The following QTGAL variants were observed in gnomAD, a reference collection of about 807,000 sequenced individuals.
QTGAL encodes the protein BGnT-like protein 1.
chr17:82,970,574 G>GCGACCTCCGCACACA, the QTGAL span, among the ~76,000 whole-genome samples: 166 of 72,478 alleles, frequency 2.3e-3, 21 homozygotes, highest in African/African-American at 9.2e-3. Context: ...CTCCGCACCC[G>GCGACCTCCGCACACA]GCGTGGCCGC....
the QTGAL span, among the ~76,000 whole-genome samples, chr17:82,966,208 T>G: frequency 1.3e-5 from 2 of 151,858 alleles, no homozygotes; most frequent in African/African-American, 4.8e-5. Flanking sequence ...CACACCACCG[T>G]GCCTGGCTAT....
chr17:82,985,728 G>A, the QTGAL span, among the ~76,000 whole-genome samples: 1 of 152,208 alleles, frequency 6.6e-6, no homozygotes, highest in Admixed American at 6.5e-5. Context: ...AAAATCAGGA[G>A]CCCAGGGTTG....
the QTGAL span, among the ~76,000 whole-genome samples, chr17:82,950,719 A>G: frequency 6.6e-6 from 1 of 152,260 alleles, no homozygotes; most frequent in Non-Finnish European, 1.5e-5. Flanking sequence ...CTGTGTCAGC[A>G]CAAAAACACG....
At chr17:83,023,392 T>C in the QTGAL span, among the ~76,000 whole-genome samples, 4 of 148,726 alleles carry the variant, frequency 2.7e-5, no homozygotes, top group African/African-American at 4.9e-5. Context: ...TGAACTCACA[T>C]TGGCTGCTCT....
At chr17:83,000,186 C>T in the QTGAL span, among the ~76,000 whole-genome samples, 2 of 152,242 alleles carry the variant, frequency 1.3e-5, no homozygotes, top group South Asian at 2.1e-4. Context: ...TGGTCTCGAA[C>T]TCCTGACCTC....
chr17:82,965,926 G>A, the QTGAL span, among the ~76,000 whole-genome samples: 12 of 152,104 alleles, frequency 7.9e-5, no homozygotes, highest in South Asian at 2.3e-3. Flanking sequence ...CCACAGGGAC[G>A]GGGCTCAAGG....
chr17:82,993,039 A>T, the QTGAL span, among the ~76,000 whole-genome samples: 1 of 152,212 alleles, frequency 6.6e-6, no homozygotes, highest in Non-Finnish European at 1.5e-5. Flanking sequence ...AAAGGAAGAC[A>T]TGAAGGAAGG....
At chr17:82,992,772 CAAT>C in the QTGAL span, among the ~76,000 whole-genome samples, 3,897 of 152,002 alleles carry the variant, frequency 0.026, 62 homozygotes, top group South Asian at 0.048. Flanking sequence ...ACAGATAGTA[CAAT>C]AAGATATAAA....
chr17:83,000,450 T>C, the QTGAL span, among the ~76,000 whole-genome samples: 2 of 152,246 alleles, frequency 1.3e-5, no homozygotes, highest in Non-Finnish European at 2.9e-5. Context: ...TTGTGATTCA[T>C]TTCTGCATCC....
At chr17:82,994,828 A>C in the QTGAL span, among the ~76,000 whole-genome samples, 1 of 152,368 alleles carries the variant, frequency 6.6e-6, no homozygotes, top group South Asian at 2.1e-4. Context: ...ACACATTAAA[A>C]AGATCATTCA....
the QTGAL span, chr17:82,947,172 C>T: frequency 4.4e-5 from 24 of 540,356 alleles, no homozygotes; most frequent in Non-Finnish European, 7.2e-5. Context: ...CTGCTTGTAC[C>T]ACAGGCCCTG....
the QTGAL span, chr17:83,006,603 C>T: frequency 1.0e-6 from 1 of 985,360 alleles, no homozygotes; most frequent in African/African-American, 1.7e-5. This position sits in a 1 kb window ranked among gnomAD's most constrained non-coding sequence, Gnocchi z 5.8. Flanking sequence ...CCCTCAACGG[C>T]AGCCGCTGTG....
the QTGAL span, chr17:83,048,659 T>C: frequency 6.2e-7 from 1 of 1,611,680 alleles, no homozygotes; most frequent in East Asian, 2.2e-5. Context: ...GACAGGAAGT[T>C]CCTACAAACC....
chr17:82,964,967 G>C, the QTGAL span, among the ~76,000 whole-genome samples: 1 of 148,300 alleles, frequency 6.7e-6, no homozygotes. Context: ...GGAGAACGGG[G>C]ACATGGATGC....
chr17:83,014,666 T>C, the QTGAL span: 1 of 841,996 alleles, frequency 1.2e-6, no homozygotes. Flanking sequence ...ACTGATCCTC[T>C]CGCCTCAGCC....
chr17:82,953,430 C>G, the QTGAL span, among the ~76,000 whole-genome samples: 5,326 of 152,182 alleles, frequency 0.035, 169 homozygotes, highest in African/African-American at 0.084. Context: ...TGGATAAATT[C>G]CTGGACACAT....
At chr17:82,970,826 T>C in the QTGAL span, among the ~76,000 whole-genome samples, 1 of 152,240 alleles carries the variant, frequency 6.6e-6, no homozygotes, top group Non-Finnish European at 1.5e-5. Flanking sequence ...AAAATGTCAC[T>C]GATAGGACAT....
chr17:83,008,245 C>G, the QTGAL span, among the ~76,000 whole-genome samples: 4 of 152,226 alleles, frequency 2.6e-5, no homozygotes, highest in African/African-American at 9.6e-5. Flanking sequence ...CTAACTTTCT[C>G]CAGGTTCCTA....
the QTGAL span, among the ~76,000 whole-genome samples, chr17:82,983,687 G>A: frequency 6.6e-6 from 1 of 152,234 alleles, no homozygotes; most frequent in Non-Finnish European, 1.5e-5. Flanking sequence ...TGCTCCGTGG[G>A]GGCAGCGGCT....
Sources: gnomAD v4.1 joint callset for allele counts (sites outside exome capture counted in the v4.1 genomes callset) on GRCh38, gnomAD v4.1.1 for gene constraint, Gnocchi (gnomAD v3.1) non-coding constraint, MANE v1.5 for transcripts, NCBI Gene and HGNC (gene_info 2026-07-23, HGNC 2026-07-21) for gene names.